Variants in DNAH14 observed in about 807,000 individuals in gnomAD.
DNAH14 encodes the protein dynein axonemal heavy chain 14, also known as axonemal beta dynein heavy chain 14.
A neutral mutation model predicts 520.9 loss-of-function variants in DNAH14; 478 were observed. The ratio of observed to expected loss-of-function variants is 0.92; its 90% confidence interval spans 0.85 to 0.99. The LOEUF is 0.99. Among genes scored for constraint, DNAH14 ranks in the 50% least tolerant of loss-of-function variants. The pLI, the probability that DNAH14 is intolerant of heterozygous loss-of-function variation, is 0.00. For missense variants in DNAH14, 4,831 were observed against 5,234.5 expected (o/e 0.92, Z 2.38); for synonymous variants, 1,581 against 1,757.2 (o/e 0.90, Z 2.51).
At position 225,333,363 on chromosome 1, in the gene DNAH14, G is replaced by T. The variant is rs956318992; in HGVS notation, c.9937G>T (p.Ala3313Ser). Reference sequence around the variant, plus strand: ...AATTTTGGGTGACATACTTCTTTCAGCAGCGTGCATTGTCTACAGTGGAAT... The same window carrying T: ...AATTTTGGGTGACATACTTCTTTCATCAGCGTGCATTGTCTACAGTGGAAT... ...EGILGDILLS[A>S]ACIVYSGILT... is the part of the protein sequence containing the mutation. Residue 3313 changes from alanine to serine, a missense_variant, in exon 66 of 86, where the codon GCA becomes TCA. Transcript: ENST00000682510. The T allele has an allele frequency of 1.3e-6, 2 of 1,551,614 alleles. No individual in the cohort carries two copies. The highest frequency in any genetic ancestry group is 2.7e-5 in the African/African-American group (2 of 72,992).
At position 225,380,146 on chromosome 1, in the gene DNAH14, GT is replaced by G. The variant is rs200182107; in HGVS notation, c.12717-5del. 47 of 1,533,054 alleles carry G rather than the reference GT, an allele frequency of 3.1e-5. No individual in the cohort carries two copies. The highest frequency in any genetic ancestry group is 4.2e-5 in the Admixed American group (2 of 47,972). 95.0% of individuals were successfully genotyped at this position (1,533,054 alleles called of 1,614,324 possible). On this transcript the variant is annotated splice_polypyrimidine_tract_variant and intron_variant, in intron 79 of 85. Transcript: ENST00000682510. ...TGTTCTGTGTCTCATTCTTCTCTTGGTTTTTTTTGCAGACCTGAGCAGAGTA... is the reference window on the plus strand; with the variant it reads ...TGTTCTGTGTCTCATTCTTCTCTTGGTTTTTTTGCAGACCTGAGCAGAGTA...
chr1:225,015,010 T>C (rs2065095314), intron 10 of DNAH14, among the ~76,000 whole-genome samples: 1 of 152,216 alleles, frequency 6.6e-6, no homozygotes, highest in Non-Finnish European at 1.5e-5. Flanking sequence ...ACAATTGTTA[T>C]ATTATCTTGC....
At chr1:225,166,590 C>T (rs1008260866) in intron 35 of DNAH14, among the ~76,000 whole-genome samples, 1 of 152,130 alleles carries the variant, frequency 6.6e-6, no homozygotes, top group African/African-American at 2.4e-5. Context: ...AGGAATATAT[C>T]TTATTTAAAA....
At chr1:225,203,902 T>C (rs2087192259) in intron 38 of DNAH14, among the ~76,000 whole-genome samples, 1 of 152,252 alleles carries the variant, frequency 6.6e-6, no homozygotes, top group Non-Finnish European at 1.5e-5. Flanking sequence ...GAACTTTTGC[T>C]TTCTTGTGTT....
chr1:225,304,791 A>G (rs1229903066), intron 57 of DNAH14, 117 bp from the exon 58 acceptor site: 7 of 993,684 alleles, frequency 7.0e-6, no homozygotes, highest in Middle Eastern at 3.3e-4. Flanking sequence ...AGCTCTCTCT[A>G]CATCTCCACA....
rs2079740879 is a variant in DNAH14, at chr1:225,144,486, G to T, written c.4598G>T (p.Gly1533Val). Residue 1533 changes from glycine (G) to valine (V), a missense_variant, in exon 29 of 86, where the codon GGC becomes GTC. Coordinates refer to ENST00000682510, the MANE Select transcript of DNAH14 (RefSeq NM_001367479.1). ...ASFTYGYEYL[G>V]CTSRLVITPL... ...TTTACTTATGGCTATGAGTACTTGG[G>T]CTGTACCTCAAGATTGGTTATTACG... 1.3e-6 allele frequency: 2 copies of T among 1,551,492 alleles called. No individual in the cohort carries two copies. The highest frequency in any genetic ancestry group is 1.7e-6 in the Non-Finnish European group (2 of 1,146,968).
Position 225,097,240 on chromosome 1 carries a change from G to A in DNAH14, c.3695+1G>A, listed in dbSNP as rs1365300291. 2 of 1,548,630 alleles carry A rather than the reference G, an allele frequency of 1.3e-6. No homozygotes were observed. Among genetic ancestry groups the A allele is most frequent in the East Asian group, 4.9e-5 (2 of 40,724 alleles). The stretch of plus-strand genomic sequence containing the variant: ...TCTTTCATTCTTCAGAAATACGAAG[G>A]TAAAATACCTAAAATATACCATATA... On this transcript the variant is annotated splice_donor_variant, in intron 22 of 85. Transcript: ENST00000682510. LOFTEE classifies it high-confidence loss of function.
rs920672303 is a variant in DNAH14, at chr1:225,167,098, A to G, written c.5446-841A>G. 1.2e-4 allele frequency among the ~76,000 whole-genome samples: 18 copies of G among 152,304 alleles called. No homozygotes were observed. The South Asian group carries it at 1.9e-3, about 16-fold the overall frequency. ...AGGCCTGAAGTGGGCAGTCTCATCA[A>G]TTCCACTTAAGAGAGCAATTCCATT... On this transcript the variant is annotated intron_variant, in intron 35 of 85. Coordinates refer to ENST00000682510, the MANE Select transcript of DNAH14 (RefSeq NM_001367479.1).
chr1:225,277,426 T>C lies in DNAH14; in HGVS notation c.8195T>C (p.Val2732Ala), dbSNP rs1387816634. 3 of 470,246 alleles carry C rather than the reference T, an allele frequency of 6.4e-6. No homozygotes were observed. The Admixed American group carries it at 7.1e-5, about 11-fold the overall frequency. 29.1% of individuals were successfully genotyped at this position (470,246 alleles called of 1,614,324 possible). The change falls in exon 54 of 86, where the codon GTG becomes GCG. Residue 2732 changes from valine (V) to alanine (A), a missense_variant. By Grantham distance (64) the Val-to-Ala change is moderately conservative (BLOSUM62 0). Coordinates refer to ENST00000682510, the MANE Select transcript of DNAH14 (RefSeq NM_001367479.1). ...SISLELSHSM[V>A]FFKEAIEHII... is the part of the protein sequence containing the mutation. The stretch of plus-strand genomic sequence containing the variant: ...ATCTGCTAGCTTTCTCATTCCATGG[T>C]GTTCTTCAAGGAAGCCATAGAACAC...
At chr1:225,265,472 AT>A (rs2093078167) in intron 48 of DNAH14, 103 bp downstream of exon 48, 13 of 984,308 alleles carry the variant, frequency 1.3e-5, no homozygotes, top group Admixed American at 3.8e-5. Context: ...TGTAACACAC[AT>A]TTTTGAACAT....
chr1:225,048,825 G>C (rs1243690143), intron 15 of DNAH14, among the ~76,000 whole-genome samples: 1 of 152,022 alleles, frequency 6.6e-6, no homozygotes, highest in Non-Finnish European at 1.5e-5. Context: ...ATTCTTACCA[G>C]CAATCTATGA....
intron 83 of DNAH14, 75 bp from the exon 84 acceptor site, chr1:225,392,216 A>T (rs41268717): frequency 0.12 from 177,577 of 1,482,684 alleles, 11,329 homozygotes; most frequent in South Asian, 0.14. Context: ...TCTCCATGAG[A>T]CATCATTGTT....
chr1:225,318,492 A>T (rs1574734728), intron 60 of DNAH14, 91 bp from the exon 61 acceptor site: 2 of 1,148,142 alleles, frequency 1.7e-6, no homozygotes, highest in East Asian at 5.2e-5. Flanking sequence ...TAAAAATATC[A>T]AATTATATTT....
chr1:225,010,166 T>A (rs1288003576), intron 10 of DNAH14, among the ~76,000 whole-genome samples: 1 of 152,218 alleles, frequency 6.6e-6, no homozygotes, highest in East Asian at 1.9e-4. Flanking sequence ...CATCCTTGTC[T>A]TGTGCCAGTT....
intron 5 of DNAH14, among the ~76,000 whole-genome samples, chr1:224,966,684 A>G (rs2061189657): frequency 6.6e-6 from 1 of 152,084 alleles, no homozygotes. Context: ...TTATCAAAAT[A>G]TTCATTTTTT....
At chr1:224,996,136 C>T (rs1470891547) in intron 8 of DNAH14, among the ~76,000 whole-genome samples, 2 of 151,878 alleles carry the variant, frequency 1.3e-5, no homozygotes, top group East Asian at 3.9e-4. Flanking sequence ...ATATCTGTGC[C>T]TGTAAGGAGA....
At chr1:225,022,018 A>G (rs2065743231) in intron 10 of DNAH14, among the ~76,000 whole-genome samples, 1 of 152,200 alleles carries the variant, frequency 6.6e-6, no homozygotes, top group Admixed American at 6.5e-5. Context: ...TCCCTTTTCA[A>G]TAAATGCTTC....
Position 225,259,125 on chromosome 1 carries a change from A to C in DNAH14, c.7029A>C (p.Glu2343Asp). ...KNSCPVLLTGESGVGKTAAIN... is the reference protein window; with the variant it reads ...KNSCPVLLTGDSGVGKTAAIN... Reference sequence around the variant, plus strand: ...CTTGTGTATTTTTTCCCTTAGGAGAATCTGGTGTTGGGAAAACTGCTGCCA... The same window carrying C: ...CTTGTGTATTTTTTCCCTTAGGAGACTCTGGTGTTGGGAAAACTGCTGCCA... The change falls in exon 46 of 86, where the codon GAA (glutamate) becomes GAC (aspartate). Residue 2343 changes from glutamate (E) to aspartate (D), a missense_variant. By Grantham distance (45) the Glu-to-Asp change is conservative. Coordinates refer to ENST00000682510, the MANE Select transcript of DNAH14 (RefSeq NM_001367479.1). The C allele has an allele frequency of 6.5e-7, 1 of 1,543,436 alleles. No homozygotes were observed. The highest frequency in any genetic ancestry group is 8.7e-7 in the Non-Finnish European group (1 of 1,144,710).
chr1:225,160,626 A>C (rs920448127), intron 35 of DNAH14, among the ~76,000 whole-genome samples: 2 of 152,258 alleles, frequency 1.3e-5, no homozygotes, highest in East Asian at 3.9e-4. Flanking sequence ...CAATTTTGTT[A>C]AACAAGATAG....
Sources: gnomAD v4.1 joint callset for allele counts (sites outside exome capture counted in the v4.1 genomes callset) on GRCh38, gnomAD v4.1.1 for gene constraint, MANE v1.5 for transcripts, NCBI Gene and HGNC (gene_info 2026-07-23, HGNC 2026-07-21) for gene names.